The following PCED1B variants were observed in gnomAD, a reference collection of about 807,000 sequenced individuals.
The protein encoded by PCED1B is PC-esterase domain-containing protein 1B.
For synonymous variants in PCED1B, 251 were observed against 246.1 expected (o/e 1.02, Z -0.19); for missense variants, 573 against 573.9 (o/e 1.00, Z 0.02).
At chr12:47,152,654 G>T (rs1053196323) in intron 2 of PCED1B, among the ~76,000 whole-genome samples, 1 of 152,226 alleles carries the variant, frequency 6.6e-6, no homozygotes, top group Non-Finnish European at 1.5e-5. Context: ...ATTAGGGCTG[G>T]GCACGGTGGC....
intron 1 of PCED1B, among the ~76,000 whole-genome samples, chr12:47,085,835 C>T (rs1481746279): frequency 6.6e-6 from 1 of 152,114 alleles, no homozygotes; most frequent in Admixed American, 6.5e-5. Context: ...AAGTCATGTG[C>T]ATCAATGTTT....
chr12:47,235,303 C>G lies in PCED1B; in HGVS notation c.240C>G (p.Arg80=), dbSNP rs934374326. Residue 80 remains arginine, a synonymous_variant, in exon 4 of 4, where the codon CGC becomes CGG. Coordinates refer to ENST00000546455, the MANE Select transcript of PCED1B (RefSeq NM_138371.3). ...MHNGLNYREV[R]EFRSDHHLVR... Reference sequence around the variant, plus strand: ...ACGGCCTTAACTACCGTGAGGTCCGCGAGTTCCGCTCCGACCACCATCTGG... The same window carrying G: ...ACGGCCTTAACTACCGTGAGGTCCGGGAGTTCCGCTCCGACCACCATCTGG... The G allele has an allele frequency of 3.3e-5, 53 of 1,613,934 alleles. No homozygotes were observed. The highest frequency in any genetic ancestry group is 4.2e-5 in the Non-Finnish European group (49 of 1,180,040).
chr12:47,097,426 A>G (rs1386063836), intron 1 of PCED1B, among the ~76,000 whole-genome samples: 1 of 152,194 alleles, frequency 6.6e-6, no homozygotes, highest in East Asian at 1.9e-4. Flanking sequence ...CCCACATTAA[A>G]GCCACGCCTA....
intron 2 of PCED1B, among the ~76,000 whole-genome samples, chr12:47,164,068 C>A (rs767098364): frequency 2.6e-5 from 4 of 152,160 alleles, no homozygotes; most frequent in African/African-American, 7.2e-5. Flanking sequence ...GGCCTCACCC[C>A]CCTACAATGC....
chr12:47,100,459 G>A (rs1938654805), intron 1 of PCED1B, among the ~76,000 whole-genome samples: 1 of 152,044 alleles, frequency 6.6e-6, no homozygotes, highest in Non-Finnish European at 1.5e-5. Flanking sequence ...AAAGATATTA[G>A]GAATTCTTGC....
chr12:47,166,590 T>G (rs1941552296), intron 2 of PCED1B, among the ~76,000 whole-genome samples: 1 of 152,172 alleles, frequency 6.6e-6, no homozygotes, highest in South Asian at 2.1e-4. Context: ...TGATTTACAA[T>G]CCAGTCTTAT....
At chr12:47,231,459 C>G (rs889329033) in intron 3 of PCED1B, among the ~76,000 whole-genome samples, 1 of 151,992 alleles carries the variant, frequency 6.6e-6, no homozygotes, top group Admixed American at 6.6e-5. Context: ...TTATACAGCT[C>G]CATTGCAGCA....
chr12:47,145,098 GA>G (rs1940735398), intron 2 of PCED1B, among the ~76,000 whole-genome samples: 1 of 152,124 alleles, frequency 6.6e-6, no homozygotes, highest in African/African-American at 2.4e-5. Context: ...ACATACAAAC[GA>G]TAAGAAAGCA....
intron 2 of PCED1B, among the ~76,000 whole-genome samples, chr12:47,122,291 A>G (rs2137312377): frequency 6.6e-6 from 1 of 152,230 alleles, no homozygotes; most frequent in Admixed American, 6.5e-5. Flanking sequence ...CAGCAGATTT[A>G]CCACTGACAT....
chr12:47,218,982 A>G (rs577695565), intron 3 of PCED1B, among the ~76,000 whole-genome samples: 1 of 152,176 alleles, frequency 6.6e-6, no homozygotes, highest in East Asian at 1.9e-4. Context: ...CTCTACTAAA[A>G]ATAGAACAAT....
intron 2 of PCED1B, among the ~76,000 whole-genome samples, chr12:47,166,865 A>G (rs1271321639): frequency 6.6e-6 from 1 of 152,220 alleles, no homozygotes; most frequent in Non-Finnish European, 1.5e-5. Flanking sequence ...CAGATTAACA[A>G]GAGAAAAAAA....
At chr12:47,204,361 G>A (rs1942857049) in intron 2 of PCED1B, among the ~76,000 whole-genome samples, 1 of 152,072 alleles carries the variant, frequency 6.6e-6, no homozygotes, top group Admixed American at 6.5e-5. Flanking sequence ...TCATTTTCAT[G>A]ATATTGATTC....
intron 2 of PCED1B, among the ~76,000 whole-genome samples, chr12:47,152,630 T>C (rs1403052550): frequency 1.3e-5 from 2 of 152,202 alleles, no homozygotes; most frequent in African/African-American, 4.8e-5. Context: ...ATCAATGTTA[T>C]CTTCTAAAAT....
chr12:47,187,406 A>T (rs1942306224), intron 2 of PCED1B, among the ~76,000 whole-genome samples: 1 of 152,168 alleles, frequency 6.6e-6, no homozygotes. Flanking sequence ...AAAATCCCCC[A>T]TCTCTACATC....
At chr12:47,122,390 C>T (rs1284455997) in intron 2 of PCED1B, among the ~76,000 whole-genome samples, 2 of 152,198 alleles carry the variant, frequency 1.3e-5, no homozygotes, top group Non-Finnish European at 2.9e-5. Flanking sequence ...GATCCATATA[C>T]TCCCTTGATC....
chr12:47,166,809 T>C (rs1020491170), intron 2 of PCED1B, among the ~76,000 whole-genome samples: 3 of 152,210 alleles, frequency 2.0e-5, no homozygotes, highest in African/African-American at 7.2e-5. Context: ...TATTTACCCC[T>C]CTTAGGTTCA....
intron 2 of PCED1B, chr12:47,210,118 C>T (rs1163954943): frequency 6.6e-6 from 1 of 152,128 alleles, no homozygotes; most frequent in African/African-American, 2.4e-5. Context: ...TAACATGATT[C>T]GTTTAGAATT....
At chr12:47,101,035 A>C (rs916788076) in intron 1 of PCED1B, among the ~76,000 whole-genome samples, 4 of 152,044 alleles carry the variant, frequency 2.6e-5, no homozygotes, top group African/African-American at 9.7e-5. Flanking sequence ...GTGCCTCTGC[A>C]CTCCAGCCTG....
At chr12:47,133,999 G>A (rs10785659) in intron 2 of PCED1B, among the ~76,000 whole-genome samples, 72,263 of 152,064 alleles carry the variant, frequency 0.48, 20,074 homozygotes, top group Non-Finnish European at 0.61. Flanking sequence ...CAATGCTGGC[G>A]TCTGATTTTG....
Sources: allele counts gnomAD v4.1 joint callset (sites outside exome capture counted in the v4.1 genomes callset), GRCh38; gene constraint gnomAD v4.1.1; transcripts MANE v1.5; gene names NCBI Gene and HGNC (gene_info 2026-07-23, HGNC 2026-07-21).